RBM6: variants seen among roughly 807,000 people sequenced by gnomAD.
The protein encoded by RBM6 is RNA binding motif protein 6.
Under a neutral mutation model 140.4 loss-of-function variants are expected in RBM6, and 23 were observed. That is an observed-to-expected ratio of 0.16 (90% CI 0.12 to 0.23). The LOEUF is 0.23. RBM6 is among the 10% of genes least tolerant of loss of function. RBM6 has a pLI of 1.00. For synonymous variants in RBM6, 439 were observed against 475.6 expected, an observed-to-expected ratio of 0.92 and a Z score of 1.00; for missense variants, 1,139 against 1,386.7, an observed-to-expected ratio of 0.82 and a Z score of 2.84.
intron 6 of RBM6, among the ~76,000 whole-genome samples, chr3:50,008,739 T>C (rs955757650): frequency 1.3e-5 from 2 of 151,890 alleles, no homozygotes; most frequent in Non-Finnish European, 2.9e-5. Flanking sequence ...TTAGTAGAGA[T>C]GGGGTTTCAC....
chr3:49,954,995 G>A (rs1318534434), intron 1 of RBM6, among the ~76,000 whole-genome samples: 3 of 151,902 alleles, frequency 2.0e-5, no homozygotes, highest in Admixed American at 6.6e-5. Flanking sequence ...TCCTGACCTC[G>A]TGATCCGCCT....
At chr3:49,962,946 A>G (rs908355103) in intron 2 of RBM6, 9 of 255,242 alleles carry the variant, frequency 3.5e-5, no homozygotes, top group Non-Finnish European at 5.1e-5. Context: ...AAAATACAAA[A>G]AAAACTAGCC....
At chr3:50,053,249 C>T (rs748047068) in intron 7 of RBM6, among the ~76,000 whole-genome samples, 5 of 151,894 alleles carry the variant, frequency 3.3e-5, no homozygotes, top group Non-Finnish European at 7.4e-5. Flanking sequence ...AAGAATTAGC[C>T]GGCTGGGCGC....
intron 5 of RBM6, among the ~76,000 whole-genome samples, chr3:49,996,961 C>T (rs1009258102): frequency 2.6e-5 from 4 of 152,036 alleles, no homozygotes; most frequent in Admixed American, 1.3e-4. Context: ...CTTTCTTTGC[C>T]GCCTTCTACA....
chr3:49,954,285 C>T (rs1001554034), intron 1 of RBM6, among the ~76,000 whole-genome samples: 2 of 151,748 alleles, frequency 1.3e-5, no homozygotes, highest in Non-Finnish European at 2.9e-5. Context: ...TAAAAAAATA[C>T]AAAAATTAGC....
At chr3:50,023,259 C>T (rs1179270535) in intron 6 of RBM6, among the ~76,000 whole-genome samples, 1 of 151,976 alleles carries the variant, frequency 6.6e-6, no homozygotes, top group African/African-American at 2.4e-5. Flanking sequence ...GTTTCTTCTT[C>T]TTGCTTTTAT....
chr3:49,941,329 G>T (rs1456956378), intron 1 of RBM6, among the ~76,000 whole-genome samples: 2 of 152,058 alleles, frequency 1.3e-5, no homozygotes, highest in African/African-American at 4.8e-5. Context: ...CAGGTCCCAG[G>T]TCTCTCTGGA....
intron 5 of RBM6, among the ~76,000 whole-genome samples, chr3:49,993,323 G>GAATAA (rs2085914982): frequency 6.6e-6 from 1 of 152,150 alleles, no homozygotes; most frequent in African/African-American, 2.4e-5. Context: ...CACAGATACA[G>GAATAA]AATAAAATAA....
At chr3:49,994,107 A>G (rs1034515802) in intron 5 of RBM6, among the ~76,000 whole-genome samples, 1 of 152,182 alleles carries the variant, frequency 6.6e-6, no homozygotes, top group Non-Finnish European at 1.5e-5. Context: ...TCTGTTGTTC[A>G]GGCTGGAGTG....
At position 50,019,002 on chromosome 3, in the gene RBM6, C is replaced by G. The variant is rs139198283; in HGVS notation, c.1557+19489C>G. Among the ~76,000 whole-genome samples the G allele has an allele frequency of 4.6e-3, 695 of 152,014 alleles. 1 individual carries two copies. Among genetic ancestry groups the G allele is most frequent in the Non-Finnish European group, 7.0e-3 (478 of 67,952 alleles). On this transcript the variant is annotated intron_variant, in intron 6 of 20. Coordinates refer to ENST00000266022, the MANE Select transcript of RBM6 (RefSeq NM_005777.3). ...GAGTTCTGTTGCTCTGTATCCTTGC[C>G]AGCATTTGGATGGTAGCCATTTTTA...
chr3:50,073,146 C>A (rs1425596860), intron 19 of RBM6, among the ~76,000 whole-genome samples: 1 of 152,222 alleles, frequency 6.6e-6, no homozygotes, highest in Non-Finnish European at 1.5e-5. Flanking sequence ...TCTGATCCAT[C>A]CTCCTCCTTT....
At chr3:49,996,858 G>A (rs2086110086) in intron 5 of RBM6, among the ~76,000 whole-genome samples, 1 of 152,152 alleles carries the variant, frequency 6.6e-6, no homozygotes, top group Non-Finnish European at 1.5e-5. Context: ...AGGCTAGAGT[G>A]TAGTGGTTAA....
rs1191821367 is a variant in RBM6 at position 50,060,988 on chromosome 3, A to G, written c.2261A>G (p.His754Arg). The G allele has an allele frequency of 3.1e-6, 5 of 1,589,478 alleles. No homozygotes were observed. In the South Asian group the frequency reaches 4.6e-5, roughly 15 times the overall value. ...NDSGDHSDHM[H>R]YYQGKKYFRD... ...TCTGGGGACCATTCTGACCACATGC[A>G]TTACTATCAGGTAGGCTGTAACAGG... Residue 754 changes from histidine (H) to arginine (R), a missense_variant, in exon 12 of 21, where the codon CAT (histidine) becomes CGT (arginine). Physicochemically the swap from His to Arg is conservative, Grantham distance 29 (BLOSUM62 0). Transcript: ENST00000266022.
intron 6 of RBM6, among the ~76,000 whole-genome samples, chr3:50,016,469 T>C (rs545807542): frequency 1.1e-4 from 16 of 151,910 alleles, no homozygotes; most frequent in African/African-American, 3.9e-4. Context: ...TACCCAAAAG[T>C]GGGACTGCTA....
Position 50,066,337 on chromosome 3 carries a change from A to G in RBM6, c.2778A>G (p.Pro926=), listed in dbSNP as rs1373041932. The G allele has an allele frequency of 6.2e-7, 1 of 1,614,082 alleles. No homozygotes were observed. The highest frequency in any genetic ancestry group is 1.3e-5 in the African/African-American group (1 of 75,038). ...AAGAGGAGGAACAGACCCCTCCCCCACAGCCCCGCACAGCACAGCCCCAGA... is the reference window on the plus strand; with the variant it reads ...AAGAGGAGGAACAGACCCCTCCCCCGCAGCCCCGCACAGCACAGCCCCAGA... ...EEEEEEQTPP[P]QPRTAQPQKR... The change falls in exon 17 of 21, where the codon CCA becomes CCG. Residue 926 remains proline, a synonymous_variant. Coordinates refer to ENST00000266022, the MANE Select transcript of RBM6 (RefSeq NM_005777.3).
At chr3:49,985,892 C>T (rs1237735111) in intron 5 of RBM6, among the ~76,000 whole-genome samples, 1 of 152,146 alleles carries the variant, frequency 6.6e-6, no homozygotes, top group Non-Finnish European at 1.5e-5. Flanking sequence ...AGGCGTGAGC[C>T]ACCATGCCTG....
At chr3:49,942,425 C>G (rs1339259498) in intron 1 of RBM6, among the ~76,000 whole-genome samples, 7 of 148,018 alleles carry the variant, frequency 4.7e-5, no homozygotes, top group African/African-American at 1.8e-4. Flanking sequence ...AGAGGCGGAG[C>G]TTGCAGTGAG....
At chr3:49,954,976 G>A (rs2083906196) in intron 1 of RBM6, among the ~76,000 whole-genome samples, 1 of 151,718 alleles carries the variant, frequency 6.6e-6, no homozygotes, top group Admixed American at 6.6e-5. Context: ...AGCCAGGATG[G>A]CCTCGATCTC....
chr3:50,011,100 G>A (rs1312526921), intron 6 of RBM6, among the ~76,000 whole-genome samples: 1 of 151,594 alleles, frequency 6.6e-6, no homozygotes, highest in Non-Finnish European at 1.5e-5. Context: ...AGTGGCTGAT[G>A]CCTGTAGTTT....
Sources: gnomAD v4.1 joint callset for allele counts (sites outside exome capture counted in the v4.1 genomes callset) on GRCh38, gnomAD v4.1.1 for gene constraint, MANE v1.5 for transcripts, NCBI Gene and HGNC (gene_info 2026-07-23, HGNC 2026-07-21) for gene names.